The following ZNF547 variants were observed in gnomAD, a reference collection of about 807,000 sequenced individuals.
ZNF547 encodes zinc finger protein 547.
Under a neutral mutation model 7.7 loss-of-function variants are expected in ZNF547, and 4 were observed. The ratio of observed to expected loss-of-function variants is 0.52; its 90% CI spans 0.26 to 1.20. The LOEUF is 1.20. Among genes scored for constraint, ZNF547 ranks in the 50% most tolerant of loss-of-function variants. ZNF547 has a pLI of 0.14. For missense variants in ZNF547, 449 were observed against 485.8 expected, an observed-to-expected ratio of 0.92 and a Z score of 0.71; for synonymous variants, 166 against 166.2, an observed-to-expected ratio of 1.00 and a Z score of 0.01.
intron 2 of ZNF547, 37 bp downstream of exon 2, chr19:57,368,616 A>T (rs2088485697): frequency 6.2e-7 from 1 of 1,611,482 alleles, no homozygotes; most frequent in Non-Finnish European, 8.5e-7. Context: ...CCTACCAGTT[A>T]TCTCATAGAT....
rs1256160707 is a variant in ZNF547 at position 57,364,717 on chromosome 19, G to A, written c.-13+1014G>A. ...GATCGCGCCATTGCACTCCAGCCTG[G>A]GCGACAGAGCGAGATTCCGTGTCAA... On this transcript the variant is annotated intron_variant, in intron 1 of 3. Transcript: ENST00000282282. 39 of 877,580 alleles carry A rather than the reference G, an allele frequency of 4.4e-5. No individual in the cohort carries two copies. The Admixed American group carries it at 7.8e-4, about 18-fold the overall frequency. 54.4% of individuals were successfully genotyped at this position (877,580 alleles called of 1,614,324 possible).
In ZNF547 at chr19:57,371,914, G is replaced by A. The variant is rs757161651; in HGVS notation, c.151+6G>A. 6.3e-7 allele frequency: 1 copy of A among 1,596,522 alleles called. No individual in the cohort carries two copies. The highest frequency in any genetic ancestry group is 2.2e-5 in the East Asian group (1 of 44,636). Reference sequence around the variant, plus strand: ...GGCCCTTTTGTCCTCACTAGGTAAGGCCCTCACACTTGCCCAGTGTCCTGG... The same window carrying A: ...GGCCCTTTTGTCCTCACTAGGTAAGACCCTCACACTTGCCCAGTGTCCTGG... On this transcript the variant is annotated splice_donor_region_variant and intron_variant, in intron 3 of 3. Coordinates refer to ENST00000282282, the MANE Select transcript of ZNF547 (RefSeq NM_173631.4).
chr19:57,363,640 C>T lies in ZNF547; in HGVS notation c.-76C>T, dbSNP rs1237883057. 6.5e-6 allele frequency: 1 copy of T among 153,190 alleles called. No homozygotes were observed. Among genetic ancestry groups the T allele is most frequent in the Non-Finnish European group, 1.5e-5 (1 of 68,166 alleles). 9.5% of individuals were successfully genotyped at this position (153,190 alleles called of 1,614,324 possible). Reference sequence around the variant, plus strand: ...GGGGACGGCGGTGTCCTTGTCTTGCCTTTGTCGCCCCCGCCCCTCTCTTCC... The same window carrying T: ...GGGGACGGCGGTGTCCTTGTCTTGCTTTTGTCGCCCCCGCCCCTCTCTTCC... On this transcript the variant is annotated 5_prime_UTR_variant, in exon 1 of 4. Transcript: ENST00000282282.
intron 1 of ZNF547, 28 bp downstream of exon 1, chr19:57,363,731 C>CCCA (rs374592293): frequency 0.23 from 33,913 of 150,398 alleles, 3,756 homozygotes; most frequent in African/African-American, 0.28. Flanking sequence ...GGCCCCCCCC[C>CCCA]ACCTCCGCCC....
At chr19:57,366,571 G>C (rs960303) in intron 1 of ZNF547, among the ~76,000 whole-genome samples, 2 of 130,814 alleles carry the variant, frequency 1.5e-5, no homozygotes, top group Admixed American at 8.0e-5. Context: ...TTTTTTTGAC[G>C]TGGAGTTTTG....
rs2088558012 is a variant in ZNF547, at chr19:57,379,059, T to C, written c.*874T>C. 5.9e-6 allele frequency: 1 copy of C among 170,392 alleles called. No individual in the cohort carries two copies. The highest frequency in any genetic ancestry group is 6.4e-5 in the Admixed American group (1 of 15,680). 10.6% of individuals were successfully genotyped at this position (170,392 alleles called of 1,614,324 possible). A position where few individuals can be genotyped will look rare whatever the true frequency, so the allele number is the denominator to read the frequency against. ...TTTCATTGTTTGCATTTACCACATTTCCTTTATTTCTGACATCTATTCATG... is the reference window on the plus strand; with the variant it reads ...TTTCATTGTTTGCATTTACCACATTCCCTTTATTTCTGACATCTATTCATG... On this transcript the variant is annotated 3_prime_UTR_variant, in exon 4 of 4. Transcript: ENST00000282282.
intron 3 of ZNF547, among the ~76,000 whole-genome samples, chr19:57,375,972 G>C (rs1256421710): frequency 1.3e-5 from 2 of 152,106 alleles, no homozygotes; most frequent in African/African-American, 4.8e-5. Context: ...AGACCAGCCT[G>C]GCAAACATGG....
At position 57,373,175 on chromosome 19, in the gene ZNF547, G is replaced by T. The variant is rs150141211; in HGVS notation, c.151+1267G>T. 3.7e-3 allele frequency among the ~76,000 whole-genome samples: 570 copies of T among 152,274 alleles called. 2 individuals carry two copies. The highest frequency in any genetic ancestry group is 0.013 in the African/African-American group (551 of 41,564). On this transcript the variant is annotated intron_variant, in intron 3 of 3. Coordinates refer to ENST00000282282, the MANE Select transcript of ZNF547 (RefSeq NM_173631.4). ...GCCTCAGGAAACTTACAGTCATGGC[G>T]GAAGGCAAAGGAGAACTAGGCATCT...
chr19:57,366,075 G>C (rs889117378), intron 1 of ZNF547, among the ~76,000 whole-genome samples: 2 of 151,426 alleles, frequency 1.3e-5, no homozygotes, highest in African/African-American at 4.9e-5. Flanking sequence ...ATATTGGTCA[G>C]GCTGGTCTTG....
intron 1 of ZNF547, chr19:57,364,668 G>A (rs2088449885): frequency 1.6e-6 from 1 of 637,356 alleles, no homozygotes; most frequent in Non-Finnish European, 2.7e-6. Flanking sequence ...CTGAACCCAG[G>A]AGGTGGAGAT....
rs1318143326 is a variant in ZNF547 at position 57,365,318 on chromosome 19, T to C, written c.-13+1615T>C. On this transcript the variant is annotated intron_variant, in intron 1 of 3. Transcript: ENST00000282282. ...TGGTGTATACTCAGGAATGTGTACA[T>C]TGTAAATTACTTGATTAAATAGCCT... 30 of 1,122,924 alleles carry C rather than the reference T, an allele frequency of 2.7e-5. No homozygotes were observed. In the East Asian group the frequency reaches 7.3e-4, roughly 27 times the overall value. The allele number at this position is 1,122,924 out of a possible 1,614,324, so 69.6% of individuals were successfully genotyped here.
At position 57,377,509 on chromosome 19, in the gene ZNF547, A is replaced by C; in HGVS notation, c.533A>C (p.His178Pro). ...AAACTTTCTGACCATCAGAAAATCC[A>C]CACTGGAGAAAGAACTTATAAGTGC... is the stretch of plus-strand genomic sequence containing the variant. ...KHKLSDHQKI[H>P]TGERTYKCSK... Residue 178 changes from histidine (H) to proline (P), a missense_variant, in exon 4 of 4, where the codon CAC becomes CCC. Transcript: ENST00000282282. 1 of 1,614,246 alleles carries C rather than the reference A, an allele frequency of 6.2e-7. No individual in the cohort carries two copies. Among genetic ancestry groups the C allele is most frequent in the African/African-American group, 1.3e-5 (1 of 75,072 alleles).
rs893287807 is a variant in ZNF547, at chr19:57,378,841, AAAC to A, written c.*660_*662del. The A allele has an allele frequency of 2.6e-6, 1 of 384,606 alleles. No homozygotes were observed. Among genetic ancestry groups the A allele is most frequent in the Non-Finnish European group, 5.1e-6 (1 of 197,650 alleles). 23.8% of individuals were successfully genotyped at this position (384,606 alleles called of 1,614,324 possible). A position where few individuals can be genotyped will look rare whatever the true frequency, so the allele number is the denominator to read the frequency against. On this transcript the variant is annotated 3_prime_UTR_variant, in exon 4 of 4. Transcript: ENST00000282282. ...TGAAACTCTATAACCACCATTAAAAAAACAACTCATTCCCACATTCTTCAGTCC... is the reference window on the plus strand; with the variant it reads ...TGAAACTCTATAACCACCATTAAAAAAACTCATTCCCACATTCTTCAGTCC...
chr19:57,370,616 C>G (rs1460880789), intron 2 of ZNF547, among the ~76,000 whole-genome samples: 1 of 152,098 alleles, frequency 6.6e-6, no homozygotes, highest in Non-Finnish European at 1.5e-5. Flanking sequence ...GGGCCTCAGG[C>G]CCTGGCCCTG....
chr19:57,378,830 C>G lies in ZNF547; in HGVS notation c.*645C>G, dbSNP rs1173250688. The stretch of plus-strand genomic sequence containing the variant: ...ATCTTGTAAAATGAAACTCTATAAC[C>G]ACCATTAAAAAAACAACTCATTCCC... On this transcript the variant is annotated 3_prime_UTR_variant, in exon 4 of 4. Transcript: ENST00000282282. 1 of 398,196 alleles carries G rather than the reference C, an allele frequency of 2.5e-6. No homozygotes were observed. The highest frequency in any genetic ancestry group is 3.5e-5 in the Admixed American group (1 of 28,238). The allele number at this position is 398,196 out of a possible 1,614,324, so 24.7% of individuals were successfully genotyped here. A position where few individuals can be genotyped will look rare whatever the true frequency, so the allele number is the denominator to read the frequency against.
At chr19:57,364,696 G>T (rs551109477) in intron 1 of ZNF547, 13 of 714,720 alleles carry the variant, frequency 1.8e-5, no homozygotes, top group Admixed American at 1.4e-4. Flanking sequence ...AGCCAAGATC[G>T]CGCCATTGCA....
rs141431125 is a variant in ZNF547, at chr19:57,377,306, C to T, written c.330C>T (p.Pro110=). The part of the protein sequence containing the change: ...LRLAEHDGTH[P]EQGLYTCPAH... ...TGGCTGAGCATGACGGAACACACCC[C>T]GAGCAGGGACTGTACACGTGTCCAG... is the stretch of plus-strand genomic sequence containing the variant. Residue 110 remains proline (P), a synonymous_variant, in exon 4 of 4, where the codon CCC becomes CCT. Transcript: ENST00000282282. 520 of 1,614,158 alleles carry T rather than the reference C, an allele frequency of 3.2e-4. 3 individuals carry two copies. The Admixed American group carries it at 6.7e-3, about 21-fold the overall frequency.
At chr19:57,374,819 G>T (rs2088526514) in intron 3 of ZNF547, among the ~76,000 whole-genome samples, 1 of 152,144 alleles carries the variant, frequency 6.6e-6, no homozygotes, top group South Asian at 2.1e-4. Context: ...GACCACCACA[G>T]CCTGGGCTTC....
rs1329308310 is a variant in ZNF547 at position 57,368,672 on chromosome 19, CT to C, written c.24+96del. 59 of 1,178,868 alleles carry C rather than the reference CT, an allele frequency of 5.0e-5. No individual in the cohort carries two copies. The African/African-American group carries it at 7.4e-4, about 15-fold the overall frequency. The allele number at this position is 1,178,868 out of a possible 1,614,324, so 73.0% of individuals were successfully genotyped here. On this transcript the variant is annotated intron_variant, in intron 2 of 3. Coordinates refer to ENST00000282282, the MANE Select transcript of ZNF547 (RefSeq NM_173631.4). ...AAGAAAAGTGGTGTCCAGAGACTCT[CT>C]TTCTGTCTTTCTCCCTCTCTTATGT...
Sources: allele counts gnomAD v4.1 joint callset (sites outside exome capture counted in the v4.1 genomes callset), GRCh38; gene constraint gnomAD v4.1.1; transcripts MANE v1.5; gene names NCBI Gene and HGNC (gene_info 2026-07-23, HGNC 2026-07-21).